The following SYBU variants were observed in gnomAD, a reference collection of about 807,000 sequenced individuals.
SYBU encodes GOLSYN A protein.
Under a neutral mutation model 35.9 loss-of-function variants are expected in SYBU, and 21 were observed. The ratio of observed to expected loss-of-function variants is 0.58; its 90% CI spans 0.41 to 0.84. The LOEUF (loss-of-function observed/expected upper bound fraction) is 0.84, where lower values mean the gene tolerates loss of function less well. Ranked by LOEUF, SYBU falls within the 40% of genes least tolerant of loss-of-function variation. The pLI is 0.00. For missense variants in SYBU, 768 were observed against 848.2 expected (o/e 0.91, Z 1.17); for synonymous variants, 319 against 324.3 (o/e 0.98, Z 0.18).
At chr8:109,592,463 G>T (rs1824396632) in intron 3 of SYBU, among the ~76,000 whole-genome samples, 2 of 152,174 alleles carry the variant, frequency 1.3e-5, no homozygotes, top group Admixed American at 1.3e-4. Context: ...GTTTACTGCA[G>T]CTCTCATCTT....
At chr8:109,642,418 C>T (rs567693910) in intron 2 of SYBU, among the ~76,000 whole-genome samples, 4 of 152,128 alleles carry the variant, frequency 2.6e-5, no homozygotes, top group East Asian at 1.9e-4. Flanking sequence ...ATGTTCTGCA[C>T]GTGTATCCCA....
At chr8:109,690,484 G>A (rs2130794929) in intron 1 of SYBU, among the ~76,000 whole-genome samples, 1 of 152,286 alleles carries the variant, frequency 6.6e-6, no homozygotes, top group East Asian at 1.9e-4. Flanking sequence ...GCTGCCCTTT[G>A]CTTCTGCTGC....
At chr8:109,657,643 G>A (rs1206846424) in intron 1 of SYBU, among the ~76,000 whole-genome samples, 3 of 152,116 alleles carry the variant, frequency 2.0e-5, no homozygotes, top group African/African-American at 7.2e-5. Flanking sequence ...ATAAATATTT[G>A]GGAATTTGTC....
chr8:109,645,958 G>A (rs1815650776), upstream of SYBU: 1 of 152,478 alleles, frequency 6.6e-6, no homozygotes, highest in African/African-American at 2.4e-5. Context: ...ACTTTCCAAA[G>A]GGCAGCTAAG....
intron 1 of SYBU, among the ~76,000 whole-genome samples, chr8:109,672,004 C>T (rs983290540): frequency 1.6e-4 from 24 of 152,102 alleles, no homozygotes; most frequent in Admixed American, 1.2e-3. Flanking sequence ...CAGTTTCAAG[C>T]GATTCTCCTG....
chr8:109,593,426 A>AGG (rs1254459045), intron 3 of SYBU, among the ~76,000 whole-genome samples: 2 of 152,232 alleles, frequency 1.3e-5, no homozygotes, highest in African/African-American at 2.4e-5. Context: ...ACTTGCCTGG[A>AGG]GTGAATACAT....
At chr8:109,600,962 G>A (rs1318074614) in intron 3 of SYBU, among the ~76,000 whole-genome samples, 1 of 152,140 alleles carries the variant, frequency 6.6e-6, no homozygotes, top group East Asian at 1.9e-4. Flanking sequence ...CAACCTCTAG[G>A]GAAATCTCTA....
intron 2 of SYBU, among the ~76,000 whole-genome samples, chr8:109,637,600 G>A (rs946722523): frequency 6.6e-6 from 1 of 152,058 alleles, no homozygotes; most frequent in African/African-American, 2.4e-5. Flanking sequence ...TAAATTCACA[G>A]GAGGGTAGCA....
chr8:109,596,606 T>C (rs1176873063), intron 3 of SYBU, among the ~76,000 whole-genome samples: 1 of 152,252 alleles, frequency 6.6e-6, no homozygotes, highest in African/African-American at 2.4e-5. Context: ...GTTATCATGA[T>C]GTATATACAA....
intron 2 of SYBU, among the ~76,000 whole-genome samples, chr8:109,623,313 T>G (rs1225567516): frequency 8.5e-5 from 13 of 152,222 alleles, no homozygotes; most frequent in Non-Finnish European, 1.9e-4. Context: ...TGAAGGAGAC[T>G]AATTTACATG....
chr8:109,688,413 G>A (rs1051213957), intron 1 of SYBU, among the ~76,000 whole-genome samples: 38 of 152,152 alleles, frequency 2.5e-4, no homozygotes, highest in African/African-American at 8.2e-4. Context: ...GCCAGTACCT[G>A]CTGTCGGTCT....
chr8:109,671,398 A>G (rs1816975993), intron 1 of SYBU, among the ~76,000 whole-genome samples: 1 of 152,138 alleles, frequency 6.6e-6, no homozygotes, highest in African/African-American at 2.4e-5. Context: ...TGAGAAGTAC[A>G]CTCAGCCTAA....
At chr8:109,623,109 G>A (rs13254967) in intron 2 of SYBU, among the ~76,000 whole-genome samples, 52,920 of 151,958 alleles carry the variant, frequency 0.35, 11,366 homozygotes, top group African/African-American at 0.6. Context: ...ATTCAAAGTA[G>A]GTATAACTTT....
intron 1 of SYBU, among the ~76,000 whole-genome samples, chr8:109,666,386 G>A (rs921853290): frequency 2.8e-4 from 43 of 150,958 alleles, no homozygotes; most frequent in Admixed American, 2.8e-3. Flanking sequence ...CCCTACCCCC[G>A]ACCCAGGTCA....
At chr8:109,653,249 T>G (rs994870305) in intron 1 of SYBU, among the ~76,000 whole-genome samples, 1 of 151,990 alleles carries the variant, frequency 6.6e-6, no homozygotes, top group African/African-American at 2.4e-5. Flanking sequence ...CAAAAAAAAT[T>G]AAAAGGTATA....
At chr8:109,642,659 G>T (rs1228916751) in intron 2 of SYBU, 69 bp downstream of exon 2, 5 of 1,075,666 alleles carry the variant, frequency 4.6e-6, no homozygotes, top group Non-Finnish European at 6.6e-6. Context: ...GACCCAGTAT[G>T]GGCCCATTCA....
Position 109,576,490 on chromosome 8 carries a change from T to C in SYBU, c.885-477A>G, listed in dbSNP as rs918937819. Reference sequence around the variant, plus strand: ...ATATCCTACCCTTTCCAAATGTCTATAGTTTGTGGAAGGCCAGTTCACTTT... The same window carrying C: ...ATATCCTACCCTTTCCAAATGTCTACAGTTTGTGGAAGGCCAGTTCACTTT... On this transcript the variant is annotated intron_variant, in intron 6 of 6. Transcript: ENST00000276646. 5.9e-5 allele frequency among the ~76,000 whole-genome samples: 9 copies of C among 152,226 alleles called. 1 individual carries two copies. Among genetic ancestry groups the C allele is most frequent in the Admixed American group, 5.9e-4 (9 of 15,288 alleles).
Position 109,574,820 on chromosome 8 carries a change from G to T in SYBU, c.*86C>A. 7.2e-7 allele frequency: 1 copy of T among 1,389,400 alleles called. No homozygotes were observed. Among genetic ancestry groups the T allele is most frequent in the South Asian group, 1.6e-5 (1 of 62,388 alleles). The allele number at this position is 1,389,400 out of a possible 1,614,324, so 86.1% of individuals were successfully genotyped here. A position where few individuals can be genotyped will look rare whatever the true frequency, so the allele number is the denominator to read the frequency against. On this transcript the variant is annotated 3_prime_UTR_variant, in exon 7 of 7. Transcript: ENST00000276646. ...CCAAGGAGCAAAACGACAGAATAGA[G>T]ACTGTCACAGATGATTGACTTCCTG...
chr8:109,603,229 A>G (rs1183161751), intron 3 of SYBU: 1 of 174,482 alleles, frequency 5.7e-6, no homozygotes, highest in Non-Finnish European at 1.1e-5. Flanking sequence ...TTGTCTATCA[A>G]TTGAAAATTA....
Sources: gnomAD v4.1 joint callset for allele counts (sites outside exome capture counted in the v4.1 genomes callset) on GRCh38, gnomAD v4.1.1 for gene constraint, MANE v1.5 for transcripts, NCBI Gene and HGNC (gene_info 2026-07-23, HGNC 2026-07-21) for gene names.